Variants in ARID4B observed in about 807,000 individuals in gnomAD.
ARID4B encodes AT-rich interaction domain 4B, also known as AT-rich interactive domain-containing protein 4B.
A neutral mutation model predicts 147.5 loss-of-function variants in ARID4B; 26 were observed. That is an observed-to-expected ratio of 0.18 (90% CI 0.13 to 0.24). The LOEUF is 0.24. Ranked by LOEUF, ARID4B falls within the 10% of genes least tolerant of loss-of-function variation. The pLI is 1.00. For synonymous variants in ARID4B, 512 were observed against 507.9 expected (o/e 1.01, Z -0.11); for missense variants, 1,179 against 1,511.5 (o/e 0.78, Z 3.65).
intron 1 of ARID4B, 77 bp from the exon 2 acceptor site, chr1:235,327,045 G>A: frequency 1.9e-6 from 2 of 1,039,444 alleles, no homozygotes; most frequent in Non-Finnish European, 2.9e-6. Context: ...GGAAAGAAGC[G>A]AGCGACGTCC....
chr1:235,282,851 G>A (rs182038933), intron 2 of ARID4B, among the ~76,000 whole-genome samples: 71 of 152,256 alleles, frequency 4.7e-4, no homozygotes, highest in African/African-American at 1.6e-3. Flanking sequence ...CACGATCTCG[G>A]CTCACTGCAA....
chr1:235,269,414 A>G (rs10925285), intron 2 of ARID4B, among the ~76,000 whole-genome samples: 152,301 of 152,316 alleles, frequency 1, 76,143 homozygotes, highest in Non-Finnish European at 1. Context: ...TTGCACTGTA[A>G]TATCAAAAGA....
chr1:235,293,815 A>AAT (rs34145424), intron 2 of ARID4B, among the ~76,000 whole-genome samples: 11,887 of 152,162 alleles, frequency 0.078, 628 homozygotes, highest in Non-Finnish European at 0.12. Flanking sequence ...TTAAGCAAAA[A>AAT]ATATATATAT....
At chr1:235,215,900 T>C (rs1396390801) in intron 16 of ARID4B, among the ~76,000 whole-genome samples, 1 of 151,792 alleles carries the variant, frequency 6.6e-6, no homozygotes, top group African/African-American at 2.4e-5. Flanking sequence ...ATGAATATAA[T>C]ATTTATATTA....
At chr1:235,268,154 T>C (rs1046115917) in intron 2 of ARID4B, among the ~76,000 whole-genome samples, 1 of 152,046 alleles carries the variant, frequency 6.6e-6, no homozygotes, top group African/African-American at 2.4e-5. Context: ...GGAGATAAGC[T>C]GCAAGGCTGG....
chr1:235,177,304 T>C (rs1379654763), intron 21 of ARID4B, among the ~76,000 whole-genome samples: 2 of 152,238 alleles, frequency 1.3e-5, no homozygotes, highest in African/African-American at 4.8e-5. Flanking sequence ...GTAACAAATA[T>C]GTTGATGTTT....
intron 2 of ARID4B, among the ~76,000 whole-genome samples, chr1:235,308,808 G>A (rs1180204847): frequency 3.3e-5 from 5 of 152,084 alleles, no homozygotes; most frequent in Admixed American, 6.6e-5. Context: ...GTGCAGTGGC[G>A]TGATCTCGGC....
intron 2 of ARID4B, among the ~76,000 whole-genome samples, chr1:235,325,242 T>C (rs528185454): frequency 6.6e-6 from 1 of 152,226 alleles, no homozygotes; most frequent in South Asian, 2.1e-4. Flanking sequence ...TAGAATGTAA[T>C]GCTGAGCACT....
chr1:235,293,230 AT>A (rs1158779414), intron 2 of ARID4B, among the ~76,000 whole-genome samples: 3 of 152,220 alleles, frequency 2.0e-5, no homozygotes, highest in South Asian at 2.1e-4. Flanking sequence ...GGCCAAAAAA[AT>A]ATATGCTACT....
rs184502426 is a variant in ARID4B at position 235,199,157 on chromosome 1, T to C, written c.1842-3042A>G. ...CTCTGTATGGTTTTAAGAAATTCCC[T>C]GAAAACTTACTATAGAGTAATAATG... On this transcript the variant is annotated intron_variant, in intron 17 of 23. Transcript: ENST00000264183. Among the ~76,000 whole-genome samples, 622 of 152,256 alleles carry C rather than the reference T, an allele frequency of 4.1e-3. 4 individuals carry two copies. Among genetic ancestry groups the C allele is most frequent in the African/African-American group, 0.014 (595 of 41,564 alleles).
At chr1:235,291,899 G>A (rs182336978) in intron 2 of ARID4B, among the ~76,000 whole-genome samples, 35 of 152,122 alleles carry the variant, frequency 2.3e-4, no homozygotes, top group South Asian at 1.5e-3. Flanking sequence ...GAAGTAAGAC[G>A]GCAAACTTGT....
chr1:235,265,164 G>C (rs577212050), intron 2 of ARID4B, among the ~76,000 whole-genome samples: 1 of 149,674 alleles, frequency 6.7e-6, no homozygotes, highest in Non-Finnish European at 1.5e-5. Flanking sequence ...AGGCATTCGA[G>C]ACCAGCCTGG....
intron 2 of ARID4B, among the ~76,000 whole-genome samples, chr1:235,298,851 T>C (rs1193485589): frequency 1.3e-5 from 2 of 152,174 alleles, no homozygotes; most frequent in Admixed American, 1.3e-4. Context: ...AACCATACTG[T>C]TAATGTTTGC....
intron 3 of ARID4B, among the ~76,000 whole-genome samples, chr1:235,258,310 G>C (rs1223946689): frequency 1.3e-5 from 2 of 151,978 alleles, no homozygotes; most frequent in African/African-American, 4.8e-5. Context: ...CCAGCCTGGG[G>C]GACAGGGCAA....
At chr1:235,248,434 A>G (rs1164962324) in intron 6 of ARID4B, among the ~76,000 whole-genome samples, 1 of 152,204 alleles carries the variant, frequency 6.6e-6, no homozygotes, top group East Asian at 1.9e-4. Flanking sequence ...ATACTGTATC[A>G]CTATAGAGTA....
At chr1:235,220,632 G>T in intron 14 of ARID4B, 87 bp from the exon 15 acceptor site, 1 of 1,052,288 alleles carries the variant, frequency 9.5e-7, no homozygotes, top group Non-Finnish European at 1.3e-6. Flanking sequence ...CATTTCTTTT[G>T]TCTAAACTCT....
At chr1:235,252,947 T>A in intron 5 of ARID4B, 138 bp from the exon 6 acceptor site, 1 of 588,502 alleles carries the variant, frequency 1.7e-6, no homozygotes, top group Non-Finnish European at 2.9e-6. Context: ...ATTTTATGTT[T>A]TCTAGTGAGT....
chr1:235,217,726 T>C (rs1216185310), intron 16 of ARID4B, among the ~76,000 whole-genome samples: 2 of 152,212 alleles, frequency 1.3e-5, no homozygotes, highest in South Asian at 2.1e-4. Context: ...CTGAACATTC[T>C]TGGTAGTAGC....
intron 17 of ARID4B, among the ~76,000 whole-genome samples, chr1:235,204,039 T>G (rs1300252146): frequency 6.6e-6 from 1 of 152,162 alleles, no homozygotes; most frequent in Non-Finnish European, 1.5e-5. Flanking sequence ...AAAATAAAAT[T>G]CCTGCCGGGT....
Sources: gnomAD v4.1 joint callset for allele counts (sites outside exome capture counted in the v4.1 genomes callset) on GRCh38, gnomAD v4.1.1 for gene constraint, MANE v1.5 for transcripts, NCBI Gene and HGNC (gene_info 2026-07-23, HGNC 2026-07-21) for gene names.